The following EXOC3L2 variants were observed in gnomAD, a reference collection of about 807,000 sequenced individuals.
EXOC3L2 encodes exocyst complex component 3 like 2, also known as exocyst complex component 3-like protein 2.
Under a neutral mutation model 44.4 loss-of-function variants are expected in EXOC3L2, and 17 were observed. The observed-to-expected ratio is 0.38, with a 90% CI of 0.26 to 0.57. The LOEUF is 0.57. Ranked by LOEUF, EXOC3L2 falls within the 20% of genes least tolerant of loss-of-function variation. The pLI is 0.65. For missense variants in EXOC3L2, 541 were observed against 588.4 expected (o/e 0.92, Z 0.83); for synonymous variants, 256 against 253.7 (o/e 1.01, Z -0.09).
chr19:45,227,604 C>T (rs1599764614), intron 7 of EXOC3L2, 58 bp downstream of exon 7: 2 of 1,476,606 alleles, frequency 1.4e-6, no homozygotes, highest in East Asian at 2.3e-5. Context: ...TCCGGGCATC[C>T]CAGGTCAGCT....
At chr19:45,242,861 C>CAAAAA (rs56175442) in intron 1 of EXOC3L2, among the ~76,000 whole-genome samples, 6 of 85,584 alleles carry the variant, frequency 7.0e-5, no homozygotes, top group African/African-American at 2.9e-4. Context: ...AACTCCATCT[C>CAAAAA]AAAAAAAAAA....
chr19:45,213,780 A>C (rs1254952409), intron 11 of EXOC3L2, among the ~76,000 whole-genome samples: 1 of 150,330 alleles, frequency 6.7e-6, no homozygotes, highest in Admixed American at 6.6e-5. Flanking sequence ...CCCTCTCTCT[A>C]CTAAAAATAC....
chr19:45,217,797 T>C, intron 9 of EXOC3L2, 114 bp from the exon 10 acceptor site: 18 of 1,247,860 alleles, frequency 1.4e-5, no homozygotes, highest in Non-Finnish European at 1.9e-5. Context: ...CGGGCACCCA[T>C]GGGCACCCTT....
At chr19:45,226,212 G>A (rs1469454385) in intron 7 of EXOC3L2, among the ~76,000 whole-genome samples, 1 of 152,126 alleles carries the variant, frequency 6.6e-6, no homozygotes, top group Non-Finnish European at 1.5e-5. Flanking sequence ...AGGATCTGCT[G>A]GGTCAAGCGC....
In EXOC3L2 at chr19:45,217,617, G is replaced by A; in HGVS notation, c.1909C>T (p.Leu637=). The A allele has an allele frequency of 2.0e-6, 3 of 1,500,428 alleles. No homozygotes were observed. The highest frequency in any genetic ancestry group is 5.2e-5 in the East Asian group (2 of 38,654). 92.9% of individuals were successfully genotyped at this position (1,500,428 alleles called of 1,614,324 possible). The change falls in exon 10 of 12, where the codon CTG becomes TTG. Residue 637 remains leucine (L), a synonymous_variant. Coordinates refer to ENST00000413988, the MANE Select transcript of EXOC3L2 (RefSeq NM_001382422.1). The part of the protein sequence containing the change: ...EYVRPLLRGR[L]RCSSARTRSR... Reference sequence around the variant, plus strand: ...CGGGTCCGCGCCGAGCTGCAGCGCAGGCGCCCACGGAGCAGGGGCCGCACG... The same window carrying A: ...CGGGTCCGCGCCGAGCTGCAGCGCAAGCGCCCACGGAGCAGGGGCCGCACG...
intron 8 of EXOC3L2, among the ~76,000 whole-genome samples, chr19:45,221,644 CTTT>C (rs373572170): frequency 3.3e-5 from 3 of 91,824 alleles, no homozygotes; most frequent in Admixed American, 1.2e-4. Context: ...CCCAGCAGGG[CTTT>C]TTTTTTTTTT....
rs766676348 is a variant in EXOC3L2, at chr19:45,227,655, C to T, written c.1583+7G>A. 2 of 1,606,984 alleles carry T rather than the reference C, an allele frequency of 1.2e-6. No individual in the cohort carries two copies. Among genetic ancestry groups the T allele is most frequent in the East Asian group, 2.2e-5 (1 of 44,694 alleles). ...TCCTCCCTCCATCACACCATGGATG[C>T]CCTCACCTCAGTGGGGGGCCGCAGT... On this transcript the variant is annotated splice_region_variant and intron_variant, in intron 7 of 11. Transcript: ENST00000413988.
At chr19:45,223,366 GA>G (rs200493394) in intron 8 of EXOC3L2, among the ~76,000 whole-genome samples, 13,235 of 151,924 alleles carry the variant, frequency 0.087, 781 homozygotes, top group African/African-American at 0.16. Flanking sequence ...TTTTGAGAGG[GA>G]AGTCTCGCTC....
chr19:45,216,286 G>A (rs1969834229), intron 10 of EXOC3L2, 92 bp from the exon 11 acceptor site: 1 of 1,498,588 alleles, frequency 6.7e-7, no homozygotes, highest in Non-Finnish European at 8.9e-7. Context: ...TCTCTAAAAT[G>A]TAGCAGAAAC....
At chr19:45,229,871 A>ACATGTGTACATT (rs1437617624) in intron 4 of EXOC3L2, among the ~76,000 whole-genome samples, 400 of 107,794 alleles carry the variant, frequency 3.7e-3, no homozygotes, top group African/African-American at 0.021. Context: ...GTACATTATA[A>ACATGTGTACATT]ATAAAGCTAT....
At chr19:45,233,237 A>AAATG (rs1185875657) in intron 3 of EXOC3L2, among the ~76,000 whole-genome samples, 2 of 152,106 alleles carry the variant, frequency 1.3e-5, no homozygotes, top group Non-Finnish European at 2.9e-5. Context: ...ATAAATAAAT[A>AAATG]AATAACGTCC....
chr19:45,218,622 G>T (rs529493857), intron 8 of EXOC3L2, among the ~76,000 whole-genome samples: 1 of 152,200 alleles, frequency 6.6e-6, no homozygotes, highest in East Asian at 1.9e-4. Context: ...CCTGGAGGAG[G>T]GGACACCGGA....
chr19:45,215,953 C>A lies in EXOC3L2; in HGVS notation c.2120+120G>T, dbSNP rs1969828830. ...ATGCCCTGGTTCCAGCAGGAAACGGCCGTCAGACACGCTCACCGGCTCCCT... is the reference window on the plus strand; with the variant it reads ...ATGCCCTGGTTCCAGCAGGAAACGGACGTCAGACACGCTCACCGGCTCCCT... On this transcript the variant is annotated intron_variant, in intron 11 of 11. Transcript: ENST00000413988. 4 of 1,405,606 alleles carry A rather than the reference C, an allele frequency of 2.8e-6. No individual in the cohort carries two copies. In the Admixed American group the frequency reaches 9.3e-5, roughly 33 times the overall value. 87.1% of individuals were successfully genotyped at this position (1,405,606 alleles called of 1,614,324 possible). A position where few individuals can be genotyped will look rare whatever the true frequency, so the allele number is the denominator to read the frequency against.
rs1257361821 is a variant in EXOC3L2, at chr19:45,212,802, G to A, written c.*267C>T. The A allele has an allele frequency of 5.1e-6, 2 of 396,032 alleles. No individual in the cohort carries two copies. Among genetic ancestry groups the A allele is most frequent in the Non-Finnish European group, 8.9e-6 (2 of 225,988 alleles). 24.5% of individuals were successfully genotyped at this position (396,032 alleles called of 1,614,324 possible). A position where few individuals can be genotyped will look rare whatever the true frequency, so the allele number is the denominator to read the frequency against. Reference sequence around the variant, plus strand: ...AGAGATAGGGGGCAGGTCTCACTATGTTGCCCAGGCTGGTCTTGAACTCCT... The same window carrying A: ...AGAGATAGGGGGCAGGTCTCACTATATTGCCCAGGCTGGTCTTGAACTCCT... On this transcript the variant is annotated 3_prime_UTR_variant, in exon 12 of 12. Coordinates refer to ENST00000413988, the MANE Select transcript of EXOC3L2 (RefSeq NM_001382422.1).
At chr19:45,225,567 C>CG (rs1969950490) in intron 7 of EXOC3L2, among the ~76,000 whole-genome samples, 1 of 151,644 alleles carries the variant, frequency 6.6e-6, no homozygotes, top group Non-Finnish European at 1.5e-5. Context: ...CGCACCCGGC[C>CG]AAGTCTGGGG....
chr19:45,229,166 G>A (rs1970000022), intron 4 of EXOC3L2, among the ~76,000 whole-genome samples: 1 of 149,578 alleles, frequency 6.7e-6, no homozygotes, highest in South Asian at 2.1e-4. Context: ...GCTTAATTGT[G>A]TGTGTGTGCA....
rs186531134 is a variant in EXOC3L2 at position 45,222,891 on chromosome 19, C to T, written c.1719+1887G>A. On this transcript the variant is annotated intron_variant, in intron 8 of 11. Transcript: ENST00000413988. Reference sequence around the variant, plus strand: ...GGATTGCAGTGAGAATTAAACGAGCCGATACTCTCAAGCACCTGGCACAGT... The same window carrying T: ...GGATTGCAGTGAGAATTAAACGAGCTGATACTCTCAAGCACCTGGCACAGT... Among the ~76,000 whole-genome samples the T allele has an allele frequency of 2.0e-3, 303 of 152,228 alleles. 1 individual carries two copies. The highest frequency in any genetic ancestry group is 7.0e-3 in the African/African-American group (290 of 41,542).
At chr19:45,242,911 G>C (rs1970142011) in intron 1 of EXOC3L2, among the ~76,000 whole-genome samples, 1 of 148,086 alleles carries the variant, frequency 6.8e-6, no homozygotes, top group African/African-American at 2.5e-5. Flanking sequence ...GCCTCCTCCT[G>C]CCACCTCTCC....
chr19:45,232,086 C>G (rs1970037891), intron 3 of EXOC3L2, among the ~76,000 whole-genome samples: 2 of 152,132 alleles, frequency 1.3e-5, no homozygotes, highest in South Asian at 4.1e-4. Flanking sequence ...GGATGGTGTC[C>G]CGGCATGATA....
Sources: allele counts gnomAD v4.1 joint callset (sites outside exome capture counted in the v4.1 genomes callset), GRCh38; gene constraint gnomAD v4.1.1; transcripts MANE v1.5; gene names NCBI Gene and HGNC (gene_info 2026-07-23, HGNC 2026-07-21).